GRIA4: variants seen among roughly 807,000 people sequenced by gnomAD.
The protein encoded by GRIA4 is glutamate receptor 4.
Under a neutral mutation model 104.0 loss-of-function variants are expected in GRIA4, and 34 were observed. The ratio of observed to expected loss-of-function variants is 0.33; its 90% CI spans 0.25 to 0.44. GRIA4 has a LOEUF of 0.44. Among genes scored for constraint, GRIA4 ranks in the 20% least tolerant of loss-of-function variants. The pLI is 1.00. For missense variants in GRIA4, 750 were observed against 1,096.5 expected, an observed-to-expected ratio of 0.68 and a Z score of 4.46; for synonymous variants, 386 against 381.9, an observed-to-expected ratio of 1.01 and a Z score of -0.13.
chr11:105,955,121 T>A (rs1392218633), intron 14 of GRIA4, among the ~76,000 whole-genome samples: 1 of 152,116 alleles, frequency 6.6e-6, no homozygotes, highest in Non-Finnish European at 1.5e-5. Context: ...ATTTTCTTTT[T>A]GGTTTTTAAT....
chr11:105,860,976 A>AG (rs1491442876), intron 4 of GRIA4, among the ~76,000 whole-genome samples: 10 of 142,400 alleles, frequency 7.0e-5, no homozygotes, highest in African/African-American at 1.4e-4. Context: ...AAAAAAAAAA[A>AG]AGAGAGATGG....
chr11:105,771,922 T>C (rs1214567737), intron 4 of GRIA4, among the ~76,000 whole-genome samples: 1 of 152,030 alleles, frequency 6.6e-6, no homozygotes. Flanking sequence ...TTAAAATGTA[T>C]CAAAACTTAC....
chr11:105,762,246 A>T (rs1369387111), intron 4 of GRIA4, among the ~76,000 whole-genome samples: 1 of 151,880 alleles, frequency 6.6e-6, no homozygotes, highest in African/African-American at 2.4e-5. Flanking sequence ...CTGGTCTCAA[A>T]CCCCTGATTT....
intron 3 of GRIA4, among the ~76,000 whole-genome samples, chr11:105,687,870 T>G (rs1381440726): frequency 6.6e-6 from 1 of 152,194 alleles, no homozygotes; most frequent in South Asian, 2.1e-4. Flanking sequence ...TCCTTAAAGT[T>G]TCTAGATATG....
chr11:105,688,160 A>ATC (rs776577525), intron 3 of GRIA4, among the ~76,000 whole-genome samples: 25 of 141,104 alleles, frequency 1.8e-4, no homozygotes, highest in African/African-American at 5.6e-4. Context: ...CTATATCTCT[A>ATC]TCTATCTATC....
At chr11:105,761,682 T>A (rs1940659137) in intron 4 of GRIA4, among the ~76,000 whole-genome samples, 1 of 152,178 alleles carries the variant, frequency 6.6e-6, no homozygotes, top group African/African-American at 2.4e-5. Context: ...GAAATTTGAA[T>A]TTCAAATAAT....
intron 14 of GRIA4, among the ~76,000 whole-genome samples, chr11:105,969,184 C>T (rs892049857): frequency 6.6e-6 from 1 of 152,078 alleles, no homozygotes; most frequent in Non-Finnish European, 1.5e-5. Context: ...TTGATAGATG[C>T]TATACTTACA....
intron 5 of GRIA4, 33 bp downstream of exon 5, chr11:105,862,241 C>G (rs1346211284): frequency 8.0e-7 from 1 of 1,243,684 alleles, no homozygotes; most frequent in Non-Finnish European, 1.2e-6. Context: ...TTAACCTAGA[C>G]CCTATACAGA....
intron 7 of GRIA4, among the ~76,000 whole-genome samples, chr11:105,901,221 T>C (rs1417559434): frequency 6.6e-6 from 1 of 152,168 alleles, no homozygotes; most frequent in African/African-American, 2.4e-5. Flanking sequence ...AGAGTCACTA[T>C]TATCTTGTTT....
chr11:105,624,829 G>A (rs759716863), intron 3 of GRIA4, among the ~76,000 whole-genome samples: 1 of 151,816 alleles, frequency 6.6e-6, no homozygotes, highest in Non-Finnish European at 1.5e-5. Flanking sequence ...TTACTATTTA[G>A]TAATAACATT....
At chr11:105,614,049 C>T (rs547607689) in intron 3 of GRIA4, 11 of 151,880 alleles carry the variant, frequency 7.2e-5, no homozygotes, top group East Asian at 1.9e-4. Flanking sequence ...CTTTTTAATA[C>T]GTAAATATTA....
chr11:105,882,683 TTC>T (rs1345203080), intron 5 of GRIA4, among the ~76,000 whole-genome samples: 6 of 152,174 alleles, frequency 3.9e-5, no homozygotes, highest in Non-Finnish European at 2.9e-5. Flanking sequence ...TTTTAGTCAT[TTC>T]TGTGTGTCTC....
At chr11:105,794,168 A>G (rs1942347415) in intron 4 of GRIA4, among the ~76,000 whole-genome samples, 2 of 151,882 alleles carry the variant, frequency 1.3e-5, no homozygotes, top group Admixed American at 6.6e-5. Flanking sequence ...TTTGTCCACC[A>G]ATTAATTCCA....
intron 4 of GRIA4, among the ~76,000 whole-genome samples, chr11:105,814,263 G>T (rs1308784847): frequency 1.3e-5 from 2 of 152,102 alleles, no homozygotes; most frequent in African/African-American, 4.8e-5. Flanking sequence ...GCTGCTATGG[G>T]GGAAAATGGA....
chr11:105,861,490 C>G lies in GRIA4; in HGVS notation c.488-534C>G, dbSNP rs76178369. ...CTGAGAGAGGAAGAGTTAAATAATG[C>G]CTCTCTAATATGCACCTGTCCTCAT... On this transcript the variant is annotated intron_variant, in intron 4 of 16. Transcript: ENST00000282499. Among the ~76,000 whole-genome samples, 7 of 152,072 alleles carry G rather than the reference C, an allele frequency of 4.6e-5. No homozygotes were observed. In the East Asian group the frequency reaches 1.4e-3, roughly 29 times the overall value.
chr11:105,717,235 C>G (rs1006099035), intron 3 of GRIA4, among the ~76,000 whole-genome samples: 1 of 152,014 alleles, frequency 6.6e-6, no homozygotes, highest in Non-Finnish European at 1.5e-5. Flanking sequence ...AAAATTCATT[C>G]TTTCATTTCA....
At chr11:105,681,690 T>G (rs934201777) in intron 3 of GRIA4, among the ~76,000 whole-genome samples, 2 of 152,178 alleles carry the variant, frequency 1.3e-5, no homozygotes, top group Admixed American at 6.5e-5. Context: ...TAGTAATTTT[T>G]ATATTGATTA....
chr11:105,683,175 CTTTT>C (rs1303646597), intron 3 of GRIA4, among the ~76,000 whole-genome samples: 1 of 151,864 alleles, frequency 6.6e-6, no homozygotes, highest in Non-Finnish European at 1.5e-5. Flanking sequence ...ATGTGTGTTA[CTTTT>C]TTAGGTATTT....
At chr11:105,914,020 G>A (rs562976030) in intron 10 of GRIA4, among the ~76,000 whole-genome samples, 173 of 151,328 alleles carry the variant, frequency 1.1e-3, no homozygotes, top group African/African-American at 4.0e-3. Context: ...ATATATATGT[G>A]CATTATAATA....
Sources: gnomAD v4.1 joint callset for allele counts (sites outside exome capture counted in the v4.1 genomes callset) on GRCh38, gnomAD v4.1.1 for gene constraint, MANE v1.5 for transcripts, NCBI Gene and HGNC (gene_info 2026-07-23, HGNC 2026-07-21) for gene names.